Variants in SLC26A4 observed in about 807,000 individuals in gnomAD.
SLC26A4 encodes solute carrier family 26 member 4, also known as pendrin.
SLC26A4 carries 93 observed loss-of-function variants against 90.4 expected under a neutral mutation model. The ratio of observed to expected loss-of-function variants is 1.03; its 90% CI spans 0.87 to 1.22. The LOEUF is 1.22. Among genes scored for constraint, SLC26A4 ranks in the 50% most tolerant of loss-of-function variants. The pLI is 0.00. For missense variants in SLC26A4, 1,127 were observed against 946.2 expected (o/e 1.19, Z -2.51); for synonymous variants, 393 against 354.6 (o/e 1.11, Z -1.22).
intron 3 of SLC26A4, among the ~76,000 whole-genome samples, chr7:107,669,984 C>T (rs573823735): frequency 3.9e-5 from 6 of 152,138 alleles, no homozygotes; most frequent in South Asian, 2.1e-4. Context: ...TGAGAGTTTC[C>T]GCTGCATTGG....
chr7:107,690,999 C>G (rs1233339835), intron 10 of SLC26A4, among the ~76,000 whole-genome samples: 1 of 151,980 alleles, frequency 6.6e-6, no homozygotes, highest in Non-Finnish European at 1.5e-5. Flanking sequence ...TTGCTTCTGT[C>G]TCTTATGCCT....
chr7:107,664,028 A>G (rs1790645610), intron 3 of SLC26A4, among the ~76,000 whole-genome samples: 1 of 152,194 alleles, frequency 6.6e-6, no homozygotes, highest in Non-Finnish European at 1.5e-5. Context: ...AAATGTGTAA[A>G]GAGTTTCAAG....
intron 3 of SLC26A4, among the ~76,000 whole-genome samples, chr7:107,670,931 C>T (rs1307492242): frequency 1.3e-5 from 2 of 152,124 alleles, no homozygotes; most frequent in Non-Finnish European, 1.5e-5. Context: ...GGGGCTGCTG[C>T]CATTGCCTAG....
At chr7:107,704,483 T>C (rs2129318825) in intron 18 of SLC26A4, 98 bp downstream of exon 18, 2 of 636,472 alleles carry the variant, frequency 3.1e-6, no homozygotes, top group East Asian at 5.6e-5. Context: ...GGCCTTTTTT[T>C]TTTTTCTTTT....
At chr7:107,702,155 T>C (rs1791912532) in intron 17 of SLC26A4, 98 bp downstream of exon 17, 2 of 801,706 alleles carry the variant, frequency 2.5e-6, no homozygotes, top group Non-Finnish European at 4.3e-6. Context: ...ACATGGGCTT[T>C]GTAATTTTTC....
intron 3 of SLC26A4, among the ~76,000 whole-genome samples, chr7:107,669,874 T>C (rs1367912528): frequency 1.3e-5 from 2 of 152,186 alleles, no homozygotes; most frequent in Non-Finnish European, 2.9e-5. Flanking sequence ...TATATAAAAG[T>C]ATAATGAAAT....
At chr7:107,691,167 C>A (rs56403824) in intron 10 of SLC26A4, among the ~76,000 whole-genome samples, 1 of 147,184 alleles carries the variant, frequency 6.8e-6, no homozygotes, top group African/African-American at 2.5e-5. Context: ...GCACAGTCTT[C>A]ACAGTCTTCA....
chr7:107,700,962 A>G lies in SLC26A4; in HGVS notation c.1708-139A>G, dbSNP rs1341137374. On this transcript the variant is annotated intron_variant, in intron 15 of 20. Transcript: ENST00000644269. ...CTGGGAGTAGACAGAGATCTACTCC[A>G]TCAGACCTTACAATTTCTTTTTTGG... 1.2e-5 allele frequency: 8 copies of G among 664,726 alleles called. No homozygotes were observed. In the East Asian group the frequency reaches 2.3e-4, roughly 19 times the overall value. The allele number at this position is 664,726 out of a possible 1,614,324, so 41.2% of individuals were successfully genotyped here. A position where few individuals can be genotyped will look rare whatever the true frequency, so the allele number is the denominator to read the frequency against.
At chr7:107,700,798 C>G (rs1447342514) in intron 15 of SLC26A4, among the ~76,000 whole-genome samples, 3 of 152,042 alleles carry the variant, frequency 2.0e-5, no homozygotes, top group Non-Finnish European at 2.9e-5. Context: ...TCTGTGATAC[C>G]AAGGGAATTT....
intron 13 of SLC26A4, among the ~76,000 whole-genome samples, 178 bp from the exon 14 acceptor site, chr7:107,697,864 G>A (rs904010715): frequency 1.3e-5 from 2 of 152,118 alleles, no homozygotes; most frequent in African/African-American, 2.4e-5. Context: ...CTCCCCTGCC[G>A]ATTCCACACA....
intron 16 of SLC26A4, 64 bp downstream of exon 16, chr7:107,701,260 G>C (rs945398973): frequency 1.3e-5 from 13 of 1,006,068 alleles, no homozygotes; most frequent in Non-Finnish European, 1.9e-5. Context: ...GCAGTTAGAG[G>C]GTCTAAAATT....
intron 14 of SLC26A4, 74 bp from the exon 15 acceptor site, chr7:107,700,009 T>C: frequency 2.2e-6 from 2 of 897,820 alleles, no homozygotes; most frequent in Non-Finnish European, 3.8e-6. Flanking sequence ...GACTCCTTGC[T>C]AAGTAGCCAG....
rs139766641 is a variant in SLC26A4 at position 107,707,053 on chromosome 7, C to A, written c.2089+2668C>A. 5.3e-5 allele frequency among the ~76,000 whole-genome samples: 8 copies of A among 152,228 alleles called. No homozygotes were observed. The East Asian group carries it at 7.7e-4, about 15-fold the overall frequency. ...GCATGGAGCCTGAGGCTGAGAATCACTTGAGCTGGGGAAGTGGAGGTAGCA... is the reference window on the plus strand; with the variant it reads ...GCATGGAGCCTGAGGCTGAGAATCAATTGAGCTGGGGAAGTGGAGGTAGCA... On this transcript the variant is annotated intron_variant, in intron 18 of 20. Coordinates refer to ENST00000644269, the MANE Select transcript of SLC26A4 (RefSeq NM_000441.2).
At chr7:107,684,563 G>A (rs1791343660) in intron 8 of SLC26A4, among the ~76,000 whole-genome samples, 1 of 152,070 alleles carries the variant, frequency 6.6e-6, no homozygotes, top group Non-Finnish European at 1.5e-5. Flanking sequence ...TGGCTACATG[G>A]GACTTAATTT....
rs1025884953 is a variant in SLC26A4 at position 107,717,069 on chromosome 7, G to C, written c.*1623G>C. ...ACAACAAATCATCTCGCTAAAGAGT[G>C]AATGTAGGCCAGGCGCGGTGGCTCA... On this transcript the variant is annotated 3_prime_UTR_variant, in exon 21 of 21. Transcript: ENST00000644269. 6.6e-6 allele frequency: 1 copy of C among 152,152 alleles called. No individual in the cohort carries two copies. The highest frequency in any genetic ancestry group is 2.4e-5 in the African/African-American group (1 of 41,434). The allele number at this position is 152,152 out of a possible 1,614,324, so 9.4% of individuals were successfully genotyped here. A position where few individuals can be genotyped will look rare whatever the true frequency, so the allele number is the denominator to read the frequency against.
chr7:107,678,373 A>G (rs1791081731), intron 6 of SLC26A4, among the ~76,000 whole-genome samples: 1 of 152,162 alleles, frequency 6.6e-6, no homozygotes, highest in South Asian at 2.1e-4. Context: ...CTAGGCCTTC[A>G]TCTACACAGA....
rs750498903 is a variant in SLC26A4 at position 107,715,496 on chromosome 7, C to T, written c.*50C>T. On this transcript the variant is annotated 3_prime_UTR_variant, in exon 21 of 21. Transcript: ENST00000644269. ...AGCAAGGAATACAAGACAAAACTTC[C>T]TCAATGCATTGACTATTTCTTCAGA... 1.1e-5 allele frequency: 15 copies of T among 1,354,694 alleles called. No individual in the cohort carries two copies. The Admixed American group carries it at 2.5e-4, about 23-fold the overall frequency. 83.9% of individuals were successfully genotyped at this position (1,354,694 alleles called of 1,614,324 possible). A position where few individuals can be genotyped will look rare whatever the true frequency, so the allele number is the denominator to read the frequency against.
At chr7:107,691,871 G>A (rs1217242397) in intron 10 of SLC26A4, 1 of 1,219,704 alleles carries the variant, frequency 8.2e-7, no homozygotes, top group Non-Finnish European at 1.0e-6. Flanking sequence ...TCAAGGGGAA[G>A]AGGTCAGAGC....
intron 10 of SLC26A4, chr7:107,691,697 C>A: frequency 7.0e-6 from 3 of 426,080 alleles, no homozygotes; most frequent in African/African-American, 2.1e-5. Context: ...TTGTGACAGA[C>A]TTGGAAGAAT....
Sources: allele counts gnomAD v4.1 joint callset (sites outside exome capture counted in the v4.1 genomes callset), GRCh38; gene constraint gnomAD v4.1.1; transcripts MANE v1.5; gene names NCBI Gene and HGNC (gene_info 2026-07-23, HGNC 2026-07-21).